The following COMMD1 variants were observed in gnomAD, a reference collection of about 807,000 sequenced individuals.
The protein encoded by COMMD1 is copper metabolism domain containing 1.
A neutral mutation model predicts 17.2 loss-of-function variants in COMMD1; 10 were observed. The ratio of observed to expected loss-of-function variants is 0.58; its 90% CI spans 0.36 to 0.99. The LOEUF is 0.99. Among genes scored for constraint, COMMD1 ranks in the 50% least tolerant of loss-of-function variants. COMMD1 has a pLI of 0.01. For synonymous variants in COMMD1, 97 were observed against 91.6 expected (o/e 1.06, Z -0.34); for missense variants, 270 against 231.8 (o/e 1.17, Z -1.07).
chr2:62,037,781 AAAG>A (rs1212259496), intron 2 of COMMD1, among the ~76,000 whole-genome samples: 1 of 152,188 alleles, frequency 6.6e-6, no homozygotes, highest in Non-Finnish European at 1.5e-5. Flanking sequence ...AATTAGTTTG[AAAG>A]AAGATTCTGG....
chr2:61,958,423 C>T (rs1054294534), intron 1 of COMMD1, among the ~76,000 whole-genome samples: 3 of 152,164 alleles, frequency 2.0e-5, no homozygotes, highest in South Asian at 2.1e-4. Flanking sequence ...TGTGCCATCA[C>T]GTCTGGCTAA....
At chr2:61,965,600 T>C (rs1235317722) in intron 1 of COMMD1, among the ~76,000 whole-genome samples, 1 of 152,210 alleles carries the variant, frequency 6.6e-6, no homozygotes, top group Non-Finnish European at 1.5e-5. Flanking sequence ...TGAAATCTTG[T>C]ACATGACCCA....
intron 2 of COMMD1, among the ~76,000 whole-genome samples, chr2:62,122,291 T>A (rs955945029): frequency 1.3e-5 from 2 of 152,214 alleles, no homozygotes; most frequent in African/African-American, 4.8e-5. Flanking sequence ...TAGTTCCCAT[T>A]CTACCCTGTT....
At chr2:62,017,341 T>C (rs754101180) in intron 2 of COMMD1, among the ~76,000 whole-genome samples, 17 of 152,186 alleles carry the variant, frequency 1.1e-4, no homozygotes, top group Admixed American at 5.9e-4. Flanking sequence ...CACACACTTC[T>C]TAGTCTAAAG....
intron 1 of COMMD1, among the ~76,000 whole-genome samples, chr2:61,947,364 C>G (rs1670934287): frequency 6.6e-6 from 1 of 151,962 alleles, no homozygotes; most frequent in Non-Finnish European, 1.5e-5. Flanking sequence ...AGCCTTTGAG[C>G]AAATAATTTT....
At chr2:62,062,256 C>T (rs1167716102) in intron 2 of COMMD1, among the ~76,000 whole-genome samples, 9 of 148,212 alleles carry the variant, frequency 6.1e-5, no homozygotes, top group South Asian at 2.1e-4. Flanking sequence ...GATGGAGTTT[C>T]GCTCTTGTTG....
At chr2:61,924,464 G>C (rs903925325) in intron 1 of COMMD1, among the ~76,000 whole-genome samples, 2 of 151,830 alleles carry the variant, frequency 1.3e-5, no homozygotes, top group African/African-American at 4.8e-5. Flanking sequence ...TGGAGGATTA[G>C]GATGTTGTCG....
intron 2 of COMMD1, among the ~76,000 whole-genome samples, chr2:62,052,647 A>G (rs1033850823): frequency 2.0e-5 from 3 of 152,174 alleles, no homozygotes; most frequent in African/African-American, 7.2e-5. Context: ...ATACCACTAC[A>G]GAGTTTATTT....
intron 2 of COMMD1, among the ~76,000 whole-genome samples, chr2:62,043,702 G>T (rs1208759402): frequency 6.6e-6 from 1 of 152,196 alleles, no homozygotes; most frequent in Non-Finnish European, 1.5e-5. Context: ...ATTGAAAGAA[G>T]AATATTAATG....
intron 1 of COMMD1, among the ~76,000 whole-genome samples, chr2:61,965,482 C>A (rs1310773294): frequency 6.6e-6 from 1 of 152,194 alleles, no homozygotes; most frequent in Non-Finnish European, 1.5e-5. Flanking sequence ...CTGTAGGCCT[C>A]CCACTAGACT....
intron 2 of COMMD1, among the ~76,000 whole-genome samples, chr2:62,088,286 G>A (rs552317955): frequency 7.9e-5 from 12 of 152,174 alleles, no homozygotes; most frequent in African/African-American, 2.9e-4. Flanking sequence ...TTTGCTTTCA[G>A]TTCCTTGTGA....
At chr2:62,080,082 C>A (rs1449033038) in intron 2 of COMMD1, among the ~76,000 whole-genome samples, 2 of 152,194 alleles carry the variant, frequency 1.3e-5, no homozygotes, top group African/African-American at 4.8e-5. Flanking sequence ...GTGTGACTTG[C>A]TCTTGTACCT....
intron 1 of COMMD1, among the ~76,000 whole-genome samples, chr2:61,982,719 T>G (rs1671990111): frequency 6.6e-6 from 1 of 152,232 alleles, no homozygotes. Flanking sequence ...CCGGTTTTTT[T>G]TGACAGTTTT....
chr2:62,074,311 A>G (rs993191088), intron 2 of COMMD1, among the ~76,000 whole-genome samples: 1 of 152,222 alleles, frequency 6.6e-6, no homozygotes, highest in Non-Finnish European at 1.5e-5. Context: ...TTGGGCTAAT[A>G]TTAACTGGCT....
At chr2:61,937,016 G>A (rs551609164) in intron 1 of COMMD1, among the ~76,000 whole-genome samples, 139 of 152,240 alleles carry the variant, frequency 9.1e-4, no homozygotes, top group South Asian at 2.9e-3. Flanking sequence ...GGGGCTTCCA[G>A]GTCATACGTA....
intron 1 of COMMD1, among the ~76,000 whole-genome samples, chr2:61,952,984 C>T (rs1408125548): frequency 6.6e-6 from 1 of 152,178 alleles, no homozygotes; most frequent in African/African-American, 2.4e-5. Flanking sequence ...TCTTTGACCT[C>T]CTTGCCAACA....
chr2:61,889,659 A>G (rs1342956979), intron 1 of COMMD1, among the ~76,000 whole-genome samples: 3 of 151,908 alleles, frequency 2.0e-5, no homozygotes, highest in African/African-American at 7.3e-5. Flanking sequence ...AAAGGGAGTC[A>G]GAAAAGGGAG....
chr2:61,950,541 T>C (rs1053367092), intron 1 of COMMD1, among the ~76,000 whole-genome samples: 1 of 152,188 alleles, frequency 6.6e-6, no homozygotes, highest in South Asian at 2.1e-4. Context: ...ATCAAAACCA[T>C]TGATAGTACT....
chr2:62,121,982 G>A (rs907451616), intron 2 of COMMD1, among the ~76,000 whole-genome samples: 3 of 152,130 alleles, frequency 2.0e-5, no homozygotes, highest in East Asian at 3.9e-4. Flanking sequence ...TTGTAGAGAC[G>A]GGGTTGCCAT....
Sources: allele counts gnomAD v4.1 joint callset (sites outside exome capture counted in the v4.1 genomes callset), GRCh38; gene constraint gnomAD v4.1.1; transcripts MANE v1.5; gene names NCBI Gene and HGNC (gene_info 2026-07-23, HGNC 2026-07-21).